The following TUBGCP4 variants were observed in gnomAD, a reference collection of about 807,000 sequenced individuals.
TUBGCP4 encodes the protein gamma-tubulin complex component 4.
In TUBGCP4, 54 loss-of-function variants were observed where a neutral mutation model predicts 91.6. That is an observed-to-expected ratio of 0.59 (90% confidence interval 0.47 to 0.74). The LOEUF (loss-of-function observed/expected upper bound fraction) is 0.74, where lower values mean the gene tolerates loss of function less well. Among genes scored for constraint, TUBGCP4 ranks in the 30% least tolerant of loss-of-function variants. TUBGCP4 has a pLI of 0.00. For missense variants in TUBGCP4, 593 were observed against 800.9 expected, an observed-to-expected ratio of 0.74 and a Z score of 3.13; for synonymous variants, 297 against 302.8, an observed-to-expected ratio of 0.98 and a Z score of 0.20.
At chr15:43,372,207 A>T (rs1254078054) in intron 1 of TUBGCP4, among the ~76,000 whole-genome samples, 2 of 152,198 alleles carry the variant, frequency 1.3e-5, no homozygotes, top group Non-Finnish European at 2.9e-5. Context: ...AAATGAGCAA[A>T]CTGAAGCTCA....
At chr15:43,404,995 C>CAT in intron 17 of TUBGCP4, 1 of 586,938 alleles carries the variant, frequency 1.7e-6, no homozygotes, top group East Asian at 2.9e-5. Context: ...GTCTGTCATT[C>CAT]CCATTCAGAA....
At chr15:43,386,357 A>G (rs765339718) in intron 9 of TUBGCP4, 27 bp downstream of exon 9, 2 of 58,352 alleles carry the variant, frequency 3.4e-5, no homozygotes, top group African/African-American at 1.4e-4. Flanking sequence ...ATATATATAT[A>G]TATATATATA....
Position 43,405,274 on chromosome 15 carries a change from C to CA in TUBGCP4, c.*64dup. 1.3e-6 allele frequency: 2 copies of CA among 1,571,784 alleles called. No individual in the cohort carries two copies. Among genetic ancestry groups the CA allele is most frequent in the Middle Eastern group, 1.7e-4 (1 of 5,988 alleles). ...GTTCCCAAGGTTGTAACAGAAGATT[C>CA]AAAACATCCCATTCTAGCCACACAC... On this transcript the variant is annotated 3_prime_UTR_variant, in exon 18 of 18. Coordinates refer to ENST00000564079, the MANE Select transcript of TUBGCP4 (RefSeq NM_014444.5).
intron 10 of TUBGCP4, 123 bp downstream of exon 10, chr15:43,395,280 T>C: frequency 1.8e-6 from 2 of 1,111,872 alleles, no homozygotes; most frequent in Non-Finnish European, 2.7e-6. Context: ...CATTTGTTCT[T>C]ATCCAAGTGA....
Position 43,383,322 on chromosome 15 carries a change from G to A in TUBGCP4, c.541G>A (p.Gly181Arg). The A allele has an allele frequency of 6.2e-7, 1 of 1,613,624 alleles. No homozygotes were observed. The highest frequency in any genetic ancestry group is 8.5e-7 in the Non-Finnish European group (1 of 1,179,702). Residue 181 changes from glycine (G) to arginine (R), a missense_variant, in exon 7 of 18, where the codon GGG becomes AGG. Gly to Arg is a moderately radical substitution (Grantham distance 125). Coordinates refer to ENST00000564079, the MANE Select transcript of TUBGCP4 (RefSeq NM_014444.5). ...GCCCAGAATCCTGGCCGTTTGTCAT[G>A]GGGTCATGTATAAACAGCTCTCAGC... ...ALEKILAVCHGVMYKQLSAWM... is the reference protein window; with the variant it reads ...ALEKILAVCHRVMYKQLSAWM...
intron 9 of TUBGCP4, among the ~76,000 whole-genome samples, chr15:43,390,091 A>G (rs1010859213): frequency 3.3e-5 from 5 of 152,126 alleles, no homozygotes; most frequent in African/African-American, 9.7e-5. Flanking sequence ...CAGCCAAATC[A>G]TGTCACTATG....
intron 1 of TUBGCP4, 42 bp downstream of exon 1, chr15:43,371,474 G>T (rs200143357): frequency 1.9e-6 from 3 of 1,601,856 alleles, no homozygotes; most frequent in Non-Finnish European, 2.6e-6. Context: ...GAGCGCAGGA[G>T]GGGGGACCTG....
At chr15:43,394,527 C>T (rs2044547388) in intron 9 of TUBGCP4, 1 of 152,156 alleles carries the variant, frequency 6.6e-6, no homozygotes, top group African/African-American at 2.4e-5. Context: ...ATTTTCTCTT[C>T]TCTTTTCTTC....
At chr15:43,378,519 G>A (rs528957118) in intron 5 of TUBGCP4, among the ~76,000 whole-genome samples, 5 of 152,164 alleles carry the variant, frequency 3.3e-5, no homozygotes, top group African/African-American at 7.2e-5. Flanking sequence ...AGCTCAAGTC[G>A]TCATTTTTTT....
chr15:43,401,994 G>C lies in TUBGCP4; in HGVS notation c.1731+144G>C, dbSNP rs762281509. The C allele has an allele frequency of 7.5e-6, 8 of 1,068,614 alleles. No homozygotes were observed. In the South Asian group the frequency reaches 9.9e-5, roughly 13 times the overall value. 66.2% of individuals were successfully genotyped at this position (1,068,614 alleles called of 1,614,324 possible). A position where few individuals can be genotyped will look rare whatever the true frequency, so the allele number is the denominator to read the frequency against. ...ATTTTTTAAGAATGTGTAAAGCGGCGGGGCATGGTGGCTCATGCCTGTAAT... is the reference window on the plus strand; with the variant it reads ...ATTTTTTAAGAATGTGTAAAGCGGCCGGGCATGGTGGCTCATGCCTGTAAT... On this transcript the variant is annotated intron_variant, in intron 15 of 17. Transcript: ENST00000564079.
chr15:43,386,720 G>A (rs1162649169), intron 9 of TUBGCP4, among the ~76,000 whole-genome samples: 4 of 88,544 alleles, frequency 4.5e-5, no homozygotes, highest in African/African-American at 6.4e-5. Context: ...GCAAGACTCT[G>A]TCTCCAAAAA....
Position 43,407,277 on chromosome 15 carries a change from A to T in TUBGCP4, c.*2063A>T. ...AAAAGTTCAGCAAATAAAACTATAT[A>T]CAAGATCCATGCAAGGAATCCAGTT... On this transcript the variant is annotated 3_prime_UTR_variant, in exon 18 of 18. Coordinates refer to ENST00000564079, the MANE Select transcript of TUBGCP4 (RefSeq NM_014444.5). 1.1e-6 allele frequency: 1 copy of T among 933,156 alleles called. No individual in the cohort carries two copies. Among genetic ancestry groups the T allele is most frequent in the Non-Finnish European group, 1.7e-6 (1 of 604,996 alleles). The allele number at this position is 933,156 out of a possible 1,614,324, so 57.8% of individuals were successfully genotyped here.
At position 43,397,862 on chromosome 15, in the gene TUBGCP4, C is replaced by T. The variant is rs142981931; in HGVS notation, c.1280-179C>T. The stretch of plus-strand genomic sequence containing the variant: ...GAGTAGCTGGGACTACAAGTGCGTG[C>T]CACCATGCCCAGCTAATTTATGTAT... On this transcript the variant is annotated intron_variant, in intron 12 of 17. Transcript: ENST00000564079. Among the ~76,000 whole-genome samples the T allele has an allele frequency of 5.4e-3, 821 of 152,246 alleles. 12 individuals carry two copies. The highest frequency in any genetic ancestry group is 0.019 in the African/African-American group (801 of 41,534).
chr15:43,403,424 A>G, intron 15 of TUBGCP4: 1 of 334,252 alleles, frequency 3.0e-6, no homozygotes, highest in Non-Finnish European at 5.5e-6. Flanking sequence ...AGAAATGAAG[A>G]GTTAAATGTG....
chr15:43,404,348 C>T, intron 16 of TUBGCP4, 65 bp from the exon 17 acceptor site: 1 of 1,592,188 alleles, frequency 6.3e-7, no homozygotes, highest in Non-Finnish European at 8.6e-7. Context: ...TCCCTCCGCC[C>T]CCATCCTCCA....
At chr15:43,401,320 G>A (rs141926051) in intron 14 of TUBGCP4, among the ~76,000 whole-genome samples, 25 of 152,022 alleles carry the variant, frequency 1.6e-4, no homozygotes, top group African/African-American at 5.8e-4. Context: ...GCGTGGTAGC[G>A]GGCACCTGTA....
rs1471253381 is a variant in TUBGCP4, at chr15:43,401,705, A to G, written c.1597-11A>G. 2.5e-6 allele frequency: 4 copies of G among 1,612,190 alleles called. No individual in the cohort carries two copies. Among genetic ancestry groups the G allele is most frequent in the Admixed American group, 1.7e-5 (1 of 59,450 alleles). ...ATGCAAAGTGCTAAAATTTTTTGTA[A>G]TGTCTATCAGGTAGATGTGTTGGAG... On this transcript the variant is annotated splice_polypyrimidine_tract_variant and intron_variant, in intron 14 of 17. Transcript: ENST00000564079.
intron 9 of TUBGCP4, among the ~76,000 whole-genome samples, chr15:43,390,677 T>C (rs146863950): frequency 6.7e-6 from 1 of 149,090 alleles, no homozygotes; most frequent in East Asian, 1.9e-4. Flanking sequence ...CCCAGCTAAT[T>C]TTTGTATTTT....
At chr15:43,377,577 A>G (rs1274034634) in intron 4 of TUBGCP4, 2 of 375,026 alleles carry the variant, frequency 5.3e-6, no homozygotes, top group African/African-American at 4.7e-5. Context: ...CTACCACTAT[A>G]CTCCAGCCTG....
Sources: gnomAD v4.1 joint callset for allele counts (sites outside exome capture counted in the v4.1 genomes callset) on GRCh38, gnomAD v4.1.1 for gene constraint, MANE v1.5 for transcripts, NCBI Gene and HGNC (gene_info 2026-07-23, HGNC 2026-07-21) for gene names.